AGMO: variants seen among roughly 807,000 people sequenced by gnomAD.
The protein encoded by AGMO is glyceryl-ether monooxygenase.
AGMO carries 75 observed loss-of-function variants against 60.2 expected under a neutral mutation model. The observed-to-expected ratio is 1.25, with a 90% CI of 1.03 to 1.51. AGMO has a LOEUF of 1.51. AGMO is among the 40% of genes most tolerant of loss of function. The probability of loss-of-function intolerance (pLI) is 0.00; values close to 1 mark genes in which losing one functional copy is unlikely to be tolerated. For missense variants in AGMO, 763 were observed against 525.5 expected (o/e 1.45, Z -4.42); for synonymous variants, 261 against 177.1 (o/e 1.47, Z -3.76).
chr7:15,231,066 T>C (rs770820320), intron 12 of AGMO, among the ~76,000 whole-genome samples: 5 of 152,214 alleles, frequency 3.3e-5, no homozygotes, highest in East Asian at 1.9e-4. Context: ...TAGATCATGA[T>C]AGTGAACCAA....
intron 12 of AGMO, among the ~76,000 whole-genome samples, chr7:15,307,333 A>T (rs192261039): frequency 2.2e-4 from 33 of 152,172 alleles, no homozygotes; most frequent in Non-Finnish European, 3.8e-4. Flanking sequence ...TCACATGGTA[A>T]AAAGTTAAAA....
chr7:15,168,049 C>T, the AGMO span, among the ~76,000 whole-genome samples: 2 of 152,268 alleles, frequency 1.3e-5, no homozygotes, highest in Non-Finnish European at 2.9e-5. Context: ...TGCAAGCTCA[C>T]GGGCCTTAAA....
chr7:15,420,108 G>A (rs1392840741), intron 4 of AGMO, among the ~76,000 whole-genome samples: 1 of 152,088 alleles, frequency 6.6e-6, no homozygotes, highest in Non-Finnish European at 1.5e-5. Flanking sequence ...GAAAGACTAT[G>A]CATAGCAGAT....
intron 10 of AGMO, among the ~76,000 whole-genome samples, chr7:15,376,119 ACT>A (rs2128568649): frequency 6.6e-6 from 1 of 152,268 alleles, no homozygotes; most frequent in African/African-American, 2.4e-5. Context: ...GTCTTCCGTT[ACT>A]ACAAATCCAT....
chr7:15,306,080 T>C (rs1441086252), intron 12 of AGMO, among the ~76,000 whole-genome samples: 1 of 151,984 alleles, frequency 6.6e-6, no homozygotes, highest in Non-Finnish European at 1.5e-5. Context: ...CTTTAAAGAA[T>C]AATTTAAAGG....
the AGMO span, among the ~76,000 whole-genome samples, chr7:15,162,074 C>A: frequency 6.6e-6 from 1 of 151,990 alleles, no homozygotes; most frequent in African/African-American, 2.4e-5. Flanking sequence ...AGTGAGTTAC[C>A]TTGAGATCTG....
the AGMO span, among the ~76,000 whole-genome samples, chr7:15,184,405 A>G: frequency 6.1e-4 from 11 of 18,092 alleles, no homozygotes; most frequent in South Asian, 8.0e-3. Flanking sequence ...GGGAGGAAGA[A>G]AGGGAAGGAA....
chr7:15,140,239 C>A, the AGMO span, among the ~76,000 whole-genome samples: 1 of 151,950 alleles, frequency 6.6e-6, no homozygotes, highest in Admixed American at 6.6e-5. Flanking sequence ...TACATATTTT[C>A]TCTTAGGAGT....
chr7:15,332,032 T>A (rs554456908), intron 12 of AGMO, among the ~76,000 whole-genome samples: 1 of 152,198 alleles, frequency 6.6e-6, no homozygotes, highest in African/African-American at 2.4e-5. Flanking sequence ...TTACCTTCAA[T>A]TCTTCTTTCA....
intron 12 of AGMO, among the ~76,000 whole-genome samples, chr7:15,333,499 T>C (rs1382271224): frequency 6.6e-6 from 1 of 151,866 alleles, no homozygotes; most frequent in African/African-American, 2.4e-5. Context: ...TGGTAGTAAG[T>C]TTCACTGTGT....
rs1781244302 is a variant in AGMO, at chr7:15,200,406, C to G, written c.*879G>C. The G allele has an allele frequency of 6.6e-6, 1 of 152,346 alleles. No homozygotes were observed. Among genetic ancestry groups the G allele is most frequent in the East Asian group, 1.9e-4 (1 of 5,178 alleles). 9.4% of individuals were successfully genotyped at this position (152,346 alleles called of 1,614,324 possible). A position where few individuals can be genotyped will look rare whatever the true frequency, so the allele number is the denominator to read the frequency against. On this transcript the variant is annotated 3_prime_UTR_variant, in exon 13 of 13. Coordinates refer to ENST00000342526, the MANE Select transcript of AGMO (RefSeq NM_001004320.2). ...CTGCATGCTGCCCAGTCTGCCAAAACAAATTGACCAAGCATATTAGAGAAA... is the reference window on the plus strand; with the variant it reads ...CTGCATGCTGCCCAGTCTGCCAAAAGAAATTGACCAAGCATATTAGAGAAA...
chr7:15,183,004 T>G, the AGMO span, among the ~76,000 whole-genome samples: 1 of 152,064 alleles, frequency 6.6e-6, no homozygotes, highest in Non-Finnish European at 1.5e-5. Context: ...ACAGGGGATA[T>G]CCACCCCCAT....
At chr7:15,377,156 C>T (rs1025888475) in intron 10 of AGMO, among the ~76,000 whole-genome samples, 1 of 151,976 alleles carries the variant, frequency 6.6e-6, no homozygotes, top group African/African-American at 2.4e-5. Context: ...TTTTAGACAT[C>T]CCTGAGATTA....
chr7:15,161,808 T>C, the AGMO span, among the ~76,000 whole-genome samples: 2 of 151,996 alleles, frequency 1.3e-5, no homozygotes, highest in Non-Finnish European at 2.9e-5. Context: ...ACATATACCA[T>C]TTGTCTGGCA....
intron 3 of AGMO, among the ~76,000 whole-genome samples, chr7:15,519,254 C>T (rs1453410412): frequency 6.6e-6 from 1 of 151,832 alleles, no homozygotes; most frequent in Non-Finnish European, 1.5e-5. Flanking sequence ...TCCAGGAGAA[C>T]TTCCACAACC....
chr7:15,313,593 G>C (rs565609227), intron 12 of AGMO, among the ~76,000 whole-genome samples: 33 of 152,176 alleles, frequency 2.2e-4, no homozygotes, highest in Middle Eastern at 3.4e-3. Context: ...ATTGCTTCAT[G>C]AACTCAAACA....
intron 12 of AGMO, among the ~76,000 whole-genome samples, chr7:15,332,701 T>A (rs1467741626): frequency 6.6e-6 from 1 of 152,172 alleles, no homozygotes; most frequent in Non-Finnish European, 1.5e-5. Flanking sequence ...GACCCATGAA[T>A]GTACCTGGTA....
chr7:15,325,959 C>T (rs1781327358), intron 12 of AGMO, among the ~76,000 whole-genome samples: 1 of 151,740 alleles, frequency 6.6e-6, no homozygotes, highest in African/African-American at 2.4e-5. Flanking sequence ...GAGGAAGAAA[C>T]AAACCAAAGA....
At chr7:15,430,892 G>A (rs1781216322) in intron 4 of AGMO, 113 bp downstream of exon 4, 2 of 598,878 alleles carry the variant, frequency 3.3e-6, no homozygotes, top group Non-Finnish European at 5.5e-6. Flanking sequence ...GAAGAGAGAA[G>A]CATTTTAGTA....
Sources: gnomAD v4.1 joint callset for allele counts (sites outside exome capture counted in the v4.1 genomes callset) on GRCh38, gnomAD v4.1.1 for gene constraint, MANE v1.5 for transcripts, NCBI Gene and HGNC (gene_info 2026-07-23, HGNC 2026-07-21) for gene names.